IFI16: variants seen among roughly 807,000 people sequenced by gnomAD.
The protein encoded by IFI16 is interferon gamma inducible protein 16.
IFI16 carries 49 observed loss-of-function variants against 68.4 expected under a neutral mutation model. That is an observed-to-expected ratio of 0.72 (90% CI 0.57 to 0.91). The LOEUF is 0.91. Among genes scored for constraint, IFI16 ranks in the 40% least tolerant of loss-of-function variants. IFI16 has a pLI of 0.00. For synonymous variants in IFI16, 307 were observed against 315.0 expected, an observed-to-expected ratio of 0.97 and a Z score of 0.27; for missense variants, 878 against 942.9, an observed-to-expected ratio of 0.93 and a Z score of 0.90.
At chr1:159,039,826 C>A (rs572393223) in intron 7 of IFI16, among the ~76,000 whole-genome samples, 1 of 152,202 alleles carries the variant, frequency 6.6e-6, no homozygotes, top group African/African-American at 2.4e-5. Context: ...TCAGACTTCA[C>A]AGAAAATTAC....
At position 159,016,636 on chromosome 1, in the gene IFI16, C is replaced by T. The variant is rs1427431142; in HGVS notation, c.485C>T (p.Ala162Val). Residue 162 changes from alanine (A) to valine (V), a missense_variant, in exon 4 of 12, where the codon GCC (alanine) becomes GTC (valine). Coordinates refer to ENST00000295809, the MANE Select transcript of IFI16 (RefSeq NM_001376587.1). ...CCTGCAGGAGCCGGCATGTCCACAGCCATGGGCCGTTCCCCATCTCCCAAG... is the reference window on the plus strand; with the variant it reads ...CCTGCAGGAGCCGGCATGTCCACAGTCATGGGCCGTTCCCCATCTCCCAAG... Reference protein sequence around the residue: ...PSPAGAGMSTAMGRSPSPKTS... With the variant: ...PSPAGAGMSTVMGRSPSPKTS... 6.2e-7 allele frequency: 1 copy of T among 1,614,092 alleles called. No individual in the cohort carries two copies. Among genetic ancestry groups the T allele is most frequent in the Admixed American group, 1.7e-5 (1 of 60,016 alleles).
At chr1:159,039,215 G>T (rs1654483012) in intron 7 of IFI16, among the ~76,000 whole-genome samples, 1 of 152,162 alleles carries the variant, frequency 6.6e-6, no homozygotes, top group African/African-American at 2.4e-5. Flanking sequence ...TGAGTGTACA[G>T]TTGAAGGAGT....
At position 159,016,610 on chromosome 1, in the gene IFI16, T is replaced by C. The variant is rs1430789678; in HGVS notation, c.459T>C (p.Ser153=). 1.2e-6 allele frequency: 2 copies of C among 1,614,088 alleles called. No individual in the cohort carries two copies. The highest frequency in any genetic ancestry group is 4.5e-5 in the East Asian group (2 of 44,876). ...KVSEEQTQPP[S]PAGAGMSTAM... ...CCGAGGAACAGACTCAGCCTCCCTCTCCTGCAGGAGCCGGCATGTCCACAG... is the reference window on the plus strand; with the variant it reads ...CCGAGGAACAGACTCAGCCTCCCTCCCCTGCAGGAGCCGGCATGTCCACAG... The change falls in exon 4 of 12, where the codon TCT becomes TCC. Residue 153 remains serine (S), a synonymous_variant. Transcript: ENST00000295809.
intron 1 of IFI16, among the ~76,000 whole-genome samples, chr1:159,011,318 G>A (rs943834016): frequency 1.3e-5 from 2 of 151,746 alleles, no homozygotes; most frequent in African/African-American, 4.8e-5. Context: ...AGGAGGCAGA[G>A]GTTGCAGTGA....
chr1:159,051,549 A>G (rs1338065107), intron 9 of IFI16, 130 bp from the exon 10 acceptor site: 1 of 663,782 alleles, frequency 1.5e-6, no homozygotes, highest in Non-Finnish European at 2.6e-6. Flanking sequence ...ATCTTTGTCT[A>G]GTTTTCCCTA....
At chr1:159,045,980 T>C (rs933922698) in intron 8 of IFI16, among the ~76,000 whole-genome samples, 11 of 104,704 alleles carry the variant, frequency 1.1e-4, no homozygotes, top group Non-Finnish European at 2.0e-4. Flanking sequence ...AAGAGTCTTA[T>C]TATATTCTCT....
intron 7 of IFI16, among the ~76,000 whole-genome samples, chr1:159,035,155 A>C (rs1264475671): frequency 6.6e-6 from 1 of 152,076 alleles, no homozygotes; most frequent in Non-Finnish European, 1.5e-5. Flanking sequence ...AGGATTCTCT[A>C]TTTTGATTTT....
chr1:159,047,154 G>A lies in IFI16; in HGVS notation c.1497+1690G>A, dbSNP rs542704900. Among the ~76,000 whole-genome samples the A allele has an allele frequency of 1.9e-4, 28 of 151,216 alleles. 2 individuals carry two copies. The highest frequency in any genetic ancestry group is 3.9e-4 in the East Asian group (2 of 5,170). Reference sequence around the variant, plus strand: ...ATTTACATTACTATTCTCCAATGTTGTTTCTCACCCAAGCCCCAAGCTACC... The same window carrying A: ...ATTTACATTACTATTCTCCAATGTTATTTCTCACCCAAGCCCCAAGCTACC... On this transcript the variant is annotated intron_variant, in intron 8 of 11. Coordinates refer to ENST00000295809, the MANE Select transcript of IFI16 (RefSeq NM_001376587.1).
At chr1:159,033,283 G>C (rs1196229498) in intron 7 of IFI16, among the ~76,000 whole-genome samples, 3 of 152,170 alleles carry the variant, frequency 2.0e-5, no homozygotes, top group East Asian at 3.8e-4. Context: ...CTGTCAATGA[G>C]ATTAAATTAC....
chr1:159,052,213 C>T (rs910948269), intron 10 of IFI16, 115 bp downstream of exon 10: 5 of 727,354 alleles, frequency 6.9e-6, no homozygotes, highest in Non-Finnish European at 1.1e-5. Context: ...AACCCCTTCA[C>T]CCTTCCCCCA....
At chr1:159,050,743 A>T (rs1237515179) in intron 9 of IFI16, among the ~76,000 whole-genome samples, 3 of 151,554 alleles carry the variant, frequency 2.0e-5, no homozygotes, top group Non-Finnish European at 2.9e-5. Context: ...TGGAGACAGG[A>T]GGTTAAAGAA....
At chr1:159,054,738 G>A in intron 11 of IFI16, 83 bp from the exon 12 acceptor site, 1 of 678,896 alleles carries the variant, frequency 1.5e-6, no homozygotes, top group Non-Finnish European at 2.7e-6. Flanking sequence ...GGTGCAGGGG[G>A]AGGAGATACA....
chr1:159,017,849 C>T (rs1164028985), intron 4 of IFI16, among the ~76,000 whole-genome samples: 1 of 152,186 alleles, frequency 6.6e-6, no homozygotes, highest in Non-Finnish European at 1.5e-5. Flanking sequence ...CTCAGGTGAT[C>T]CACCCGCCTC....
chr1:159,042,668 C>T (rs1369450895), intron 7 of IFI16, among the ~76,000 whole-genome samples: 1 of 152,190 alleles, frequency 6.6e-6, no homozygotes, highest in African/African-American at 2.4e-5. Flanking sequence ...TTCATAGGTA[C>T]CTTTCTATTT....
chr1:159,013,389 T>C (rs1045530175), intron 1 of IFI16, among the ~76,000 whole-genome samples: 1 of 152,000 alleles, frequency 6.6e-6, no homozygotes, highest in Non-Finnish European at 1.5e-5. Context: ...AGGATGCTTT[T>C]GATCTCCGGA....
intron 5 of IFI16, 127 bp from the exon 6 acceptor site, chr1:159,020,214 T>C (rs755059937): frequency 4.6e-5 from 29 of 629,896 alleles, no homozygotes; most frequent in Non-Finnish European, 3.6e-5. Context: ...TGGCCTAAGA[T>C]ATGTGCATAT....
At position 159,046,884 on chromosome 1, in the gene IFI16, C is replaced by T. The variant is rs141121138; in HGVS notation, c.1497+1420C>T. On this transcript the variant is annotated intron_variant, in intron 8 of 11. Transcript: ENST00000295809. ...CTATAATAAACCTATGACTTTCTTC[C>T]CTACTCAGCAATAAATGTAGGTTAT... is the stretch of plus-strand genomic sequence containing the variant. Among the ~76,000 whole-genome samples, 616 of 151,288 alleles carry T rather than the reference C, an allele frequency of 4.1e-3. 12 individuals carry two copies. The highest frequency in any genetic ancestry group is 0.014 in the African/African-American group (560 of 41,336).
upstream of IFI16, among the ~76,000 whole-genome samples, chr1:159,002,375 T>G: frequency 6.6e-6 from 1 of 151,036 alleles, no homozygotes; most frequent in African/African-American, 2.4e-5. Flanking sequence ...AACCCTCAGA[T>G]ATATAGTAGT....
At chr1:159,032,456 C>G (rs1654054408) in intron 6 of IFI16, 68 bp from the exon 7 acceptor site, 3 of 973,550 alleles carry the variant, frequency 3.1e-6, no homozygotes, top group Non-Finnish European at 4.4e-6. Flanking sequence ...ATGATATTCT[C>G]ACAAATGAAA....
Sources: gnomAD v4.1 joint callset for allele counts (sites outside exome capture counted in the v4.1 genomes callset) on GRCh38, gnomAD v4.1.1 for gene constraint, MANE v1.5 for transcripts, NCBI Gene and HGNC (gene_info 2026-07-23, HGNC 2026-07-21) for gene names.